PGCKA1: variants seen among roughly 807,000 people sequenced by gnomAD.
The protein encoded by PGCKA1 is PDCD10 and GCKIII kinases associated 1.
chr4:37,510,555 C>T, the PGCKA1 span, among the ~76,000 whole-genome samples: 1 of 152,086 alleles, frequency 6.6e-6, no homozygotes. Flanking sequence ...TTCTCCCAAA[C>T]AAATGGAGTC....
At chr4:37,524,175 T>C in the PGCKA1 span, among the ~76,000 whole-genome samples, 1 of 152,248 alleles carries the variant, frequency 6.6e-6, no homozygotes, top group Non-Finnish European at 1.5e-5. Context: ...GGAACTGCAT[T>C]CTCAGTGTAT....
the PGCKA1 span, among the ~76,000 whole-genome samples, chr4:37,519,879 T>C: frequency 1.3e-5 from 2 of 152,222 alleles, no homozygotes; most frequent in African/African-American, 2.4e-5. Flanking sequence ...CCATTCAATA[T>C]GATACTAGCT....
At chr4:37,484,291 A>C in the PGCKA1 span, among the ~76,000 whole-genome samples, 1 of 152,308 alleles carries the variant, frequency 6.6e-6, no homozygotes, top group Non-Finnish European at 1.5e-5. Flanking sequence ...CACATCTTAC[A>C]TGGCAGCAAA....
the PGCKA1 span, among the ~76,000 whole-genome samples, chr4:37,494,157 A>G: frequency 2.6e-4 from 39 of 152,090 alleles, no homozygotes; most frequent in African/African-American, 8.7e-4. Context: ...TTTTATTTTA[A>G]GTACATGTAG....
At chr4:37,590,690 C>T in the PGCKA1 span, 2 of 1,614,146 alleles carry the variant, frequency 1.2e-6, no homozygotes, top group African/African-American at 1.3e-5. Context: ...AAGAACCATA[C>T]TGAGGATGAA....
At chr4:37,584,588 A>G in the PGCKA1 span, among the ~76,000 whole-genome samples, 1 of 152,000 alleles carries the variant, frequency 6.6e-6, no homozygotes, top group East Asian at 1.9e-4. Context: ...AATGATGTAT[A>G]TTTCCTTCAG....
the PGCKA1 span, among the ~76,000 whole-genome samples, chr4:37,592,208 CAA>C: frequency 0.023 from 2,130 of 93,292 alleles, 30 homozygotes; most frequent in African/African-American, 0.074. Context: ...GACTCCATCT[CAA>C]AAAAAAAAAA....
At chr4:37,488,297 A>G in the PGCKA1 span, among the ~76,000 whole-genome samples, 1 of 152,240 alleles carries the variant, frequency 6.6e-6, no homozygotes, top group East Asian at 1.9e-4. Flanking sequence ...ATTAAGACAC[A>G]TTGGCATATG....
the PGCKA1 span, among the ~76,000 whole-genome samples, chr4:37,465,852 C>T: frequency 6.6e-6 from 1 of 152,100 alleles, no homozygotes; most frequent in African/African-American, 2.4e-5. Context: ...TTTGGTTTCT[C>T]CAACTGTATC....
chr4:37,494,872 A>G, the PGCKA1 span, among the ~76,000 whole-genome samples: 2 of 152,090 alleles, frequency 1.3e-5, no homozygotes, highest in Non-Finnish European at 2.9e-5. Context: ...TTCTTTAATG[A>G]TCAGTAATAT....
chr4:37,538,758 C>T, the PGCKA1 span, among the ~76,000 whole-genome samples: 1 of 152,104 alleles, frequency 6.6e-6, no homozygotes, highest in African/African-American at 2.4e-5. Flanking sequence ...TTTCTAACTG[C>T]CAGGTCCCAT....
the PGCKA1 span, among the ~76,000 whole-genome samples, chr4:37,538,085 ACG>A: frequency 6.6e-6 from 1 of 151,766 alleles, no homozygotes; most frequent in South Asian, 2.1e-4. Flanking sequence ...ACACACACAC[ACG>A]CACACCCATG....
chr4:37,467,490 T>G, the PGCKA1 span, among the ~76,000 whole-genome samples: 3 of 152,200 alleles, frequency 2.0e-5, no homozygotes, highest in African/African-American at 7.2e-5. Context: ...GATTGCTCCC[T>G]CTTCCGAATA....
chr4:37,546,774 G>C, the PGCKA1 span, among the ~76,000 whole-genome samples: 1 of 152,246 alleles, frequency 6.6e-6, no homozygotes, highest in Non-Finnish European at 1.5e-5. Flanking sequence ...GGGGACTCCA[G>C]CCAGCCTGAG....
chr4:37,592,391 A>T, the PGCKA1 span, among the ~76,000 whole-genome samples: 1 of 149,286 alleles, frequency 6.7e-6, no homozygotes, highest in Non-Finnish European at 1.5e-5. Flanking sequence ...CTACAAAATT[A>T]TACTCAAGGA....
the PGCKA1 span, among the ~76,000 whole-genome samples, chr4:37,534,073 T>G: frequency 6.6e-6 from 1 of 152,158 alleles, no homozygotes; most frequent in African/African-American, 2.4e-5. Flanking sequence ...TCTGTTTGGA[T>G]TTTTCAGTGG....
chr4:37,584,889 A>G, the PGCKA1 span, among the ~76,000 whole-genome samples: 1 of 151,396 alleles, frequency 6.6e-6, no homozygotes. Flanking sequence ...CATAAAGTTG[A>G]CCTGAGATGT....
At chr4:37,459,164 G>A in the PGCKA1 span, among the ~76,000 whole-genome samples, 1 of 152,106 alleles carries the variant, frequency 6.6e-6, no homozygotes, top group African/African-American at 2.4e-5. Flanking sequence ...TCAAACTTTA[G>A]TAAAACTTTT....
At chr4:37,506,873 GGGT>G in the PGCKA1 span, among the ~76,000 whole-genome samples, 1 of 152,098 alleles carries the variant, frequency 6.6e-6, no homozygotes, top group Admixed American at 6.5e-5. Flanking sequence ...TGCTGAAAGT[GGGT>G]GGTTGAAGTC....
Sources: gnomAD v4.1 joint callset for allele counts (sites outside exome capture counted in the v4.1 genomes callset) on GRCh38, gnomAD v4.1.1 for gene constraint, MANE v1.5 for transcripts, NCBI Gene and HGNC (gene_info 2026-07-23, HGNC 2026-07-21) for gene names.